Variants in NXN observed in about 807,000 individuals in gnomAD.
NXN encodes the protein nucleoredoxin, also known as nucleoredoxin 1.
Under a neutral mutation model 48.6 loss-of-function variants are expected in NXN, and 16 were observed. The observed-to-expected ratio is 0.33, with a 90% CI of 0.22 to 0.50. The LOEUF (loss-of-function observed/expected upper bound fraction) is 0.50. Ranked by LOEUF, NXN falls within the 20% of genes least tolerant of loss-of-function variation. The pLI, the probability that NXN is intolerant of heterozygous loss-of-function variation, is 0.98. For synonymous variants in NXN, 281 were observed against 269.6 expected, an observed-to-expected ratio of 1.04 and a Z score of -0.41; for missense variants, 492 against 605.5, an observed-to-expected ratio of 0.81 and a Z score of 1.97.
intron 1 of NXN, among the ~76,000 whole-genome samples, chr17:834,157 A>G (rs755161017): frequency 6.6e-6 from 1 of 152,156 alleles, no homozygotes; most frequent in African/African-American, 2.4e-5. Context: ...CTATCACTCC[A>G]CAAAAAAATA....
intron 2 of NXN, among the ~76,000 whole-genome samples, chr17:824,209 T>G (rs1567818764): frequency 6.6e-6 from 1 of 151,400 alleles, no homozygotes; most frequent in African/African-American, 2.4e-5. Flanking sequence ...CCGGCTAATG[T>G]TTTTTTTCTA....
Position 848,776 on chromosome 17 carries a change from C to CA in NXN, c.361-22699dup, listed in dbSNP as rs373111634. ...CAGAAGCTAACAAGAAAGCGGACAGCAGCAGGAATGGCCCTGGATGTCAGA... is the reference window on the plus strand; with the variant it reads ...CAGAAGCTAACAAGAAAGCGGACAGCAAGCAGGAATGGCCCTGGATGTCAGA... On this transcript the variant is annotated intron_variant, in intron 1 of 7. Transcript: ENST00000336868. Among the ~76,000 whole-genome samples, 717 of 152,276 alleles carry CA rather than the reference C, an allele frequency of 4.7e-3. 4 individuals are homozygous for CA. Among genetic ancestry groups the CA allele is most frequent in the African/African-American group, 0.016 (665 of 41,550 alleles).
intron 5 of NXN, among the ~76,000 whole-genome samples, chr17:813,777 G>T (rs1244568201): frequency 6.6e-6 from 1 of 151,142 alleles, no homozygotes; most frequent in East Asian, 2.0e-4. Context: ...GACCAGCCTG[G>T]TCAAATGGAG....
chr17:941,436 G>A (rs368798638), intron 1 of NXN, among the ~76,000 whole-genome samples: 1,716 of 128,620 alleles, frequency 0.013, 13 homozygotes, highest in African/African-American at 0.051. Flanking sequence ...ATTCCAGGGC[G>A]CAGCCATGAA....
intron 1 of NXN, among the ~76,000 whole-genome samples, chr17:826,472 T>C (rs12603534): frequency 0.68 from 104,000 of 152,068 alleles, 36,591 homozygotes; most frequent in African/African-American, 0.85. Flanking sequence ...TCTCTAAAAA[T>C]CACAAAGATG....
Position 958,669 on chromosome 17 carries a change from G to A in NXN, c.360+20650C>T, listed in dbSNP as rs1021540159. On this transcript the variant is annotated intron_variant, in intron 1 of 7. Coordinates refer to ENST00000336868, the MANE Select transcript of NXN (RefSeq NM_022463.5). The surrounding 1 kb of genome is among the most constrained non-coding windows in gnomAD (Gnocchi z 6.9). ...GCCTGTAGTCCCAGCTACTCAGGAG[G>A]CTGAGGCAGGAGAATCACCGAGGCG... 2.6e-5 allele frequency among the ~76,000 whole-genome samples: 4 copies of A among 152,164 alleles called. No individual in the cohort carries two copies. Among genetic ancestry groups the A allele is most frequent in the Non-Finnish European group, 2.9e-5 (2 of 68,044 alleles).
At chr17:812,139 G>A (rs1188769755) in intron 5 of NXN, among the ~76,000 whole-genome samples, 1 of 150,618 alleles carries the variant, frequency 6.6e-6, no homozygotes, top group Non-Finnish European at 1.5e-5. Flanking sequence ...GTGTTAGCCA[G>A]GACGGTCTCG....
At chr17:872,583 T>C (rs868521489) in intron 1 of NXN, among the ~76,000 whole-genome samples, 1 of 149,998 alleles carries the variant, frequency 6.7e-6, no homozygotes, top group African/African-American at 2.5e-5. Flanking sequence ...TGATCCTGAG[T>C]GTGTCTGTGA....
chr17:865,962 G>A (rs988989858), intron 1 of NXN, among the ~76,000 whole-genome samples: 3 of 151,760 alleles, frequency 2.0e-5, no homozygotes, highest in African/African-American at 4.8e-5. Context: ...CAGCCTGGGC[G>A]ACAGAGCAAG....
At chr17:904,523 C>G (rs1228080269) in intron 1 of NXN, among the ~76,000 whole-genome samples, 2 of 152,162 alleles carry the variant, frequency 1.3e-5, no homozygotes, top group Non-Finnish European at 2.9e-5. Flanking sequence ...CAGGAACTCA[C>G]CCACATGGCA....
At chr17:837,265 A>T (rs1913879817) in intron 1 of NXN, among the ~76,000 whole-genome samples, 1 of 152,136 alleles carries the variant, frequency 6.6e-6, no homozygotes, top group Non-Finnish European at 1.5e-5. Context: ...GGTGTAAGCC[A>T]CTGTGTTCAG....
chr17:832,122 A>G (rs6598828), intron 1 of NXN, among the ~76,000 whole-genome samples: 111,122 of 150,710 alleles, frequency 0.74, 42,323 homozygotes, highest in African/African-American at 0.92. Flanking sequence ...AGTGGTTTGC[A>G]TTTAAGCACC....
intron 1 of NXN, among the ~76,000 whole-genome samples, chr17:914,091 G>A (rs2068661810): frequency 6.6e-6 from 1 of 152,112 alleles, no homozygotes; most frequent in African/African-American, 2.4e-5. Context: ...ATAGAGACAG[G>A]GTTTCGCCAC....
Position 841,471 on chromosome 17 carries a change from GGCGA to G in NXN, c.361-15397_361-15394del, listed in dbSNP as rs1597652720. Among the ~76,000 whole-genome samples, 60 of 78,746 alleles carry G rather than the reference GGCGA, an allele frequency of 7.6e-4. 2 individuals carry two copies. The highest frequency in any genetic ancestry group is 3.0e-3 in the South Asian group (7 of 2,308). The allele number at this position is 78,746 out of a possible 152,430, so 51.7% of individuals were successfully genotyped here. Reference sequence around the variant, plus strand: ...CCCTGACCACGGCGCATCTCACACGGGCGAGCAGGTCCCCCCTGACCACGGCGCA... The same window carrying G: ...CCCTGACCACGGCGCATCTCACACGGGCAGGTCCCCCCTGACCACGGCGCA... On this transcript the variant is annotated intron_variant, in intron 1 of 7. Coordinates refer to ENST00000336868, the MANE Select transcript of NXN (RefSeq NM_022463.5).
intron 1 of NXN, among the ~76,000 whole-genome samples, chr17:977,721 T>C (rs1378262835): frequency 6.6e-6 from 1 of 152,250 alleles, no homozygotes; most frequent in African/African-American, 2.4e-5. Context: ...GCCGTAACAA[T>C]GAAAATGTTT....
At chr17:937,381 A>G (rs796131026) in intron 1 of NXN, among the ~76,000 whole-genome samples, 1 of 152,144 alleles carries the variant, frequency 6.6e-6, no homozygotes, top group Non-Finnish European at 1.5e-5. Flanking sequence ...ACAGGGACCC[A>G]CAAGGCTGCT....
intron 7 of NXN, among the ~76,000 whole-genome samples, chr17:801,902 G>A (rs1180599679): frequency 6.6e-6 from 1 of 152,206 alleles, no homozygotes; most frequent in African/African-American, 2.4e-5. Context: ...GTGGTTTCAG[G>A]CAGGACAGGA....
chr17:904,249 C>T (rs1464453125), intron 1 of NXN, among the ~76,000 whole-genome samples: 4 of 152,042 alleles, frequency 2.6e-5, no homozygotes, highest in African/African-American at 4.8e-5. Context: ...AGGTTGTAAG[C>T]GGGCCTTGCT....
At chr17:862,314 G>A (rs1256128087) in intron 1 of NXN, among the ~76,000 whole-genome samples, 1 of 152,170 alleles carries the variant, frequency 6.6e-6, no homozygotes, top group Non-Finnish European at 1.5e-5. Context: ...CCAGGAATTC[G>A]GGATCAGCTT....
Sources: gnomAD v4.1 joint callset for allele counts (sites outside exome capture counted in the v4.1 genomes callset) on GRCh38, gnomAD v4.1.1 for gene constraint, Gnocchi (gnomAD v3.1) non-coding constraint, MANE v1.5 for transcripts, NCBI Gene and HGNC (gene_info 2026-07-23, HGNC 2026-07-21) for gene names.